NBEA: variants seen among roughly 807,000 people sequenced by gnomAD.
NBEA encodes neurobeachin, also known as lysosomal-trafficking regulator 2.
NBEA carries 44 observed loss-of-function variants against 343.4 expected under a neutral mutation model. The ratio of observed to expected loss-of-function variants is 0.13; its 90% CI spans 0.10 to 0.16. The LOEUF is 0.16. Among genes scored for constraint, NBEA ranks in the 10% least tolerant of loss-of-function variants. The pLI is 1.00. For missense variants in NBEA, 2,555 were observed against 3,631.3 expected, an observed-to-expected ratio of 0.70 and a Z score of 7.62; for synonymous variants, 1,175 against 1,238.7, an observed-to-expected ratio of 0.95 and a Z score of 1.08.
At chr13:35,436,968 A>G (rs930521315) in intron 39 of NBEA, among the ~76,000 whole-genome samples, 2 of 152,226 alleles carry the variant, frequency 1.3e-5, no homozygotes, top group Non-Finnish European at 2.9e-5. Flanking sequence ...AAATTTTTAC[A>G]TGACCATCAA....
chr13:35,418,408 A>G (rs952378303), intron 38 of NBEA, among the ~76,000 whole-genome samples: 1 of 152,060 alleles, frequency 6.6e-6, no homozygotes, highest in Non-Finnish European at 1.5e-5. Flanking sequence ...AGCTAAATAA[A>G]CAGAAGAAAC....
At chr13:35,244,870 A>C (rs190531949) in intron 34 of NBEA, among the ~76,000 whole-genome samples, 1 of 151,974 alleles carries the variant, frequency 6.6e-6, no homozygotes, top group East Asian at 1.9e-4. Context: ...AGCTATTGTA[A>C]AGGGGTTGAG....
At chr13:35,133,459 A>T (rs1276167346) in intron 17 of NBEA, among the ~76,000 whole-genome samples, 2 of 152,204 alleles carry the variant, frequency 1.3e-5, no homozygotes, top group South Asian at 4.1e-4. Flanking sequence ...AGATAAATAT[A>T]CTTATACTCT....
At chr13:35,165,357 A>G (rs976818420) in intron 24 of NBEA, among the ~76,000 whole-genome samples, 4 of 152,192 alleles carry the variant, frequency 2.6e-5, no homozygotes, top group African/African-American at 9.6e-5. Context: ...CACTTTCCCC[A>G]GGCCTTACTC....
chr13:35,039,276 C>A (rs1343202525), intron 1 of NBEA, among the ~76,000 whole-genome samples: 2 of 151,796 alleles, frequency 1.3e-5, no homozygotes. Flanking sequence ...TGTTTTCTAT[C>A]TTTTCAGTGT....
intron 41 of NBEA, among the ~76,000 whole-genome samples, chr13:35,500,881 T>G (rs1423659382): frequency 6.6e-6 from 1 of 152,116 alleles, no homozygotes; most frequent in Non-Finnish European, 1.5e-5. Flanking sequence ...TTACGTAGAA[T>G]AGCATTTTGC....
chr13:35,469,117 A>AAT (rs2075531960), intron 40 of NBEA, among the ~76,000 whole-genome samples: 1 of 151,544 alleles, frequency 6.6e-6, no homozygotes, highest in Non-Finnish European at 1.5e-5. Flanking sequence ...AAAAAAAAAA[A>AAT]AAAGAATTTT....
At chr13:35,631,564 T>G (rs2083453811) in intron 49 of NBEA, among the ~76,000 whole-genome samples, 1 of 150,980 alleles carries the variant, frequency 6.6e-6, no homozygotes, top group African/African-American at 2.4e-5. Context: ...AGATGGATTT[T>G]TTCATGCTTA....
At chr13:35,632,905 T>C (rs1031196456) in intron 49 of NBEA, among the ~76,000 whole-genome samples, 9 of 151,802 alleles carry the variant, frequency 5.9e-5, no homozygotes, top group Non-Finnish European at 1.3e-4. Context: ...CCCTGTACTA[T>C]TTTTAATACA....
At chr13:35,537,416 G>A (rs192368713) in intron 41 of NBEA, among the ~76,000 whole-genome samples, 2 of 151,782 alleles carry the variant, frequency 1.3e-5, no homozygotes, top group Admixed American at 6.6e-5. Context: ...ACTGAGTTTC[G>A]ACAACATACC....
At chr13:35,216,286 C>T (rs1257408807) in intron 33 of NBEA, among the ~76,000 whole-genome samples, 1 of 151,638 alleles carries the variant, frequency 6.6e-6, no homozygotes, top group African/African-American at 2.4e-5. Context: ...AAACTGTGGA[C>T]CATGGGCCAA....
intron 1 of NBEA, among the ~76,000 whole-genome samples, chr13:34,971,110 C>A (rs2059983868): frequency 6.6e-6 from 1 of 151,672 alleles, no homozygotes; most frequent in Non-Finnish European, 1.5e-5. Flanking sequence ...TAGCTGTATT[C>A]CCAGGTAATT....
intron 41 of NBEA, among the ~76,000 whole-genome samples, chr13:35,528,997 T>A (rs1450623536): frequency 6.6e-6 from 1 of 152,184 alleles, no homozygotes; most frequent in African/African-American, 2.4e-5. Flanking sequence ...AATTTTGAGT[T>A]GTTTACCCTT....
At chr13:35,436,667 G>A (rs766164763) in intron 39 of NBEA, among the ~76,000 whole-genome samples, 8 of 145,184 alleles carry the variant, frequency 5.5e-5, no homozygotes, top group African/African-American at 2.1e-4. Context: ...CCTAGATCGC[G>A]CCAATGCACT....
chr13:34,991,779 C>T (rs1005501017), intron 1 of NBEA, among the ~76,000 whole-genome samples: 6 of 152,016 alleles, frequency 3.9e-5, no homozygotes, highest in Non-Finnish European at 5.9e-5. Context: ...AATAAGTTTC[C>T]GTCTTGTATC....
chr13:35,630,597 G>T (rs2083406508), intron 49 of NBEA, among the ~76,000 whole-genome samples: 1 of 152,098 alleles, frequency 6.6e-6, no homozygotes, highest in Admixed American at 6.5e-5. Flanking sequence ...CAGACACTCA[G>T]GTTTCATTAG....
intron 36 of NBEA, among the ~76,000 whole-genome samples, chr13:35,347,224 T>A (rs2039930704): frequency 6.6e-6 from 1 of 152,110 alleles, no homozygotes; most frequent in Non-Finnish European, 1.5e-5. Context: ...ATAGGAGGAA[T>A]TACTAGGACT....
intron 1 of NBEA, among the ~76,000 whole-genome samples, chr13:34,962,444 C>CCAG (rs2059690889): frequency 6.6e-6 from 1 of 152,018 alleles, no homozygotes; most frequent in African/African-American, 2.4e-5. Context: ...CTTGTTCTCC[C>CCAG]TACTCTGGCA....
intron 58 of NBEA, among the ~76,000 whole-genome samples, chr13:35,670,633 G>A (rs2085574284): frequency 1.3e-5 from 2 of 152,242 alleles, no homozygotes; most frequent in Admixed American, 6.5e-5. Flanking sequence ...GGCACCCAGC[G>A]GAGGCTGGAA....
Sources: gnomAD v4.1 joint callset for allele counts (sites outside exome capture counted in the v4.1 genomes callset) on GRCh38, gnomAD v4.1.1 for gene constraint, MANE v1.5 for transcripts, NCBI Gene and HGNC (gene_info 2026-07-23, HGNC 2026-07-21) for gene names.